Variants in PIK3R5 observed in about 807,000 individuals in gnomAD.
PIK3R5 encodes phosphoinositide 3-kinase regulatory subunit 5.
A neutral mutation model predicts 94.9 loss-of-function variants in PIK3R5; 32 were observed. The ratio of observed to expected loss-of-function variants is 0.34; its 90% CI spans 0.25 to 0.45. The LOEUF is 0.45. Ranked by LOEUF, PIK3R5 falls within the 20% of genes least tolerant of loss-of-function variation. PIK3R5 has a pLI of 1.00. For missense variants in PIK3R5, 853 were observed against 1,144.6 expected, an observed-to-expected ratio of 0.75 and a Z score of 3.68; for synonymous variants, 443 against 479.4, an observed-to-expected ratio of 0.92 and a Z score of 0.99.
rs936346383 is a variant in PIK3R5 at position 8,884,522 on chromosome 17, G to A, written c.2205+185C>T. Among the ~76,000 whole-genome samples the A allele has an allele frequency of 6.6e-6, 1 of 152,126 alleles. No individual in the cohort carries two copies. The highest frequency in any genetic ancestry group is 1.5e-5 in the Non-Finnish European group (1 of 68,004). The stretch of plus-strand genomic sequence containing the variant: ...GTGGGAGAGAGGCTTTGGAGGCCAA[G>A]AAGCACAGAGATATCCACTCCTTCC... On this transcript the variant is annotated intron_variant, in intron 15 of 18. Transcript: ENST00000447110. The surrounding 1 kb of genome is among the most constrained non-coding windows in gnomAD (Gnocchi z 5.8).
At chr17:8,954,869 G>A (rs1034790086) in intron 1 of PIK3R5, among the ~76,000 whole-genome samples, 19 of 151,286 alleles carry the variant, frequency 1.3e-4, no homozygotes, top group African/African-American at 4.1e-4. Context: ...CCCAGGAAGC[G>A]GAGGTTGCAG....
In PIK3R5 at chr17:8,890,619, T is replaced by C. The variant is rs2089998639; in HGVS notation, c.657+119A>G. The C allele has an allele frequency of 2.2e-6, 2 of 895,588 alleles. No individual in the cohort carries two copies. Among genetic ancestry groups the C allele is most frequent in the South Asian group, 1.8e-5 (1 of 56,970 alleles). The allele number at this position is 895,588 out of a possible 1,614,324, so 55.5% of individuals were successfully genotyped here. ...CAGCCCTCCAGCCACCACCCTGCCA[T>C]GTCACCTGGGTGCAGGAGACTAAGT... is the stretch of plus-strand genomic sequence containing the variant. On this transcript the variant is annotated intron_variant, in intron 7 of 18. Transcript: ENST00000447110. The surrounding 1 kb of genome is among the most constrained non-coding windows in gnomAD (Gnocchi z 6.1).
intron 11 of PIK3R5, 60 bp downstream of exon 11, chr17:8,887,461 C>A: frequency 6.5e-7 from 1 of 1,528,260 alleles, no homozygotes; most frequent in Non-Finnish European, 8.8e-7. Context: ...TTCCAATCGG[C>A]TTCCTTCAGG....
At chr17:8,941,501 A>G (rs1356430059) in intron 1 of PIK3R5, among the ~76,000 whole-genome samples, 1 of 152,234 alleles carries the variant, frequency 6.6e-6, no homozygotes, top group Non-Finnish European at 1.5e-5. Context: ...AAACAAAAAC[A>G]AAAAAGTCAA....
intron 1 of PIK3R5, among the ~76,000 whole-genome samples, chr17:8,930,352 A>C (rs1485017543): frequency 6.6e-6 from 1 of 152,232 alleles, no homozygotes; most frequent in African/African-American, 2.4e-5. Flanking sequence ...TCATGGGCCA[A>C]AGAGGAAGTC....
At chr17:8,894,067 T>A (rs1312687969) in intron 5 of PIK3R5, among the ~76,000 whole-genome samples, 1 of 152,178 alleles carries the variant, frequency 6.6e-6, no homozygotes, top group Non-Finnish European at 1.5e-5. Context: ...CTATTCCAGC[T>A]CTTCTGCGTG....
At position 8,880,382 on chromosome 17, in the gene PIK3R5, T is replaced by C. The variant is rs901207795; in HGVS notation, c.*257A>G. On this transcript the variant is annotated 3_prime_UTR_variant, in exon 19 of 19. Transcript: ENST00000447110. ...TGGTCAGGGACTTCAGAGGTCAATTTACCCATCCTTCTCCTTCTACTGCCA... is the reference window on the plus strand; with the variant it reads ...TGGTCAGGGACTTCAGAGGTCAATTCACCCATCCTTCTCCTTCTACTGCCA... The C allele has an allele frequency of 2.5e-6, 1 of 397,004 alleles. No individual in the cohort carries two copies. The highest frequency in any genetic ancestry group is 2.0e-5 in the African/African-American group (1 of 48,912). 24.6% of individuals were successfully genotyped at this position (397,004 alleles called of 1,614,324 possible).
At chr17:8,917,553 T>C (rs1361456501) in intron 1 of PIK3R5, among the ~76,000 whole-genome samples, 1 of 152,208 alleles carries the variant, frequency 6.6e-6, no homozygotes. Flanking sequence ...GTTTCTCATA[T>C]GAATGTGAGT....
chr17:8,881,789 C>T lies in PIK3R5; in HGVS notation c.2298G>A (p.Leu766=), dbSNP rs755198837. The T allele has an allele frequency of 6.2e-7, 1 of 1,613,964 alleles. No individual in the cohort carries two copies. The highest frequency in any genetic ancestry group is 8.5e-7 in the Non-Finnish European group (1 of 1,179,934). ...CCCCACACTGACCACCCCACTCACC[C>T]AGCTCCTCCTGCTTCCGGCAGGCCT... ...LNKACRKQEE[L]DSSMEALTLN... Residue 766 remains leucine (L), a splice_region_variant and synonymous_variant, in exon 16 of 19, where the codon CTG becomes CTA. Transcript: ENST00000447110. This position sits in a 1 kb window ranked among gnomAD's most constrained non-coding sequence, Gnocchi z 4.8.
chr17:8,913,647 G>A (rs1017680329), intron 1 of PIK3R5, among the ~76,000 whole-genome samples: 2 of 152,208 alleles, frequency 1.3e-5, no homozygotes, highest in African/African-American at 4.8e-5. Flanking sequence ...GGGAGGCGGA[G>A]GTTGCAGTAA....
intron 1 of PIK3R5, among the ~76,000 whole-genome samples, chr17:8,958,860 C>T (rs946468297): frequency 2.5e-4 from 38 of 151,600 alleles, no homozygotes; most frequent in Admixed American, 5.9e-4. Flanking sequence ...CGTGTTCAAT[C>T]GATTCTCTTG....
In PIK3R5 at chr17:8,905,831, C is replaced by CTT. The variant is rs578092015; in HGVS notation, c.205-96_205-95dup. On this transcript the variant is annotated intron_variant, in intron 3 of 18. Transcript: ENST00000447110. ...GTGGTTCTTCCTCATTCTAGCCTTTCTTTTTTTTTTTTTTTTAGGGGAAAA... is the reference window on the plus strand; with the variant it reads ...GTGGTTCTTCCTCATTCTAGCCTTTCTTTTTTTTTTTTTTTTTTAGGGGAAAA... 4.3e-3 allele frequency: 1,648 copies of CTT among 380,756 alleles called. 5 individuals carry two copies. The highest frequency in any genetic ancestry group is 0.016 in the East Asian group (329 of 19,944). 23.6% of individuals were successfully genotyped at this position (380,756 alleles called of 1,614,324 possible).
In PIK3R5 at chr17:8,890,036, G is replaced by T. The variant is rs769750891; in HGVS notation, c.748C>A (p.Arg250=). 1 of 1,613,852 alleles carries T rather than the reference G, an allele frequency of 6.2e-7. No homozygotes were observed. The highest frequency in any genetic ancestry group is 8.5e-7 in the Non-Finnish European group (1 of 1,180,000). ...TGCAGCTTGGTCCTGAGCCACCGCCGGGCCTCTGCAGCATCCCCGATGCCA... is the reference window on the plus strand; with the variant it reads ...TGCAGCTTGGTCCTGAGCCACCGCCTGGCCTCTGCAGCATCCCCGATGCCA... The part of the protein sequence containing the change: ...ASGIGDAAEA[R]RWLRTKLQAV... The change falls in exon 8 of 19, where the codon CGG becomes AGG. Residue 250 remains arginine (R), a synonymous_variant. Coordinates refer to ENST00000447110, the MANE Select transcript of PIK3R5 (RefSeq NM_001142633.3). The surrounding 1 kb of genome is among the most constrained non-coding windows in gnomAD (Gnocchi z 6.1).
In PIK3R5 at chr17:8,880,995, A is replaced by G. The variant is rs1347988509; in HGVS notation, c.2405T>C (p.Val802Ala). 1.2e-6 allele frequency: 2 copies of G among 1,614,030 alleles called. No individual in the cohort carries two copies. Among genetic ancestry groups the G allele is most frequent in the East Asian group, 4.5e-5 (2 of 44,858 alleles). Residue 802 changes from valine (V) to alanine (A), a missense_variant, in exon 18 of 19, where the codon GTG (valine) becomes GCG (alanine). Val to Ala is a moderately conservative substitution (Grantham distance 64). Transcript: ENST00000447110. ...FNQISTSQIK[V>A]DKVQIIGSNS... ...GGAGCCGATGATCTGCACCTTGTCC[A>G]CTTTGATCTGCGATGTGCTAATCTG... is the stretch of plus-strand genomic sequence containing the variant.
At chr17:8,905,850 G>A (rs1415883512) in intron 3 of PIK3R5, 113 bp from the exon 4 acceptor site, 4 of 507,588 alleles carry the variant, frequency 7.9e-6, no homozygotes, top group African/African-American at 2.0e-5. Flanking sequence ...TTTTTTTTAG[G>A]GGAAAATAGT....
chr17:8,958,208 G>T (rs906247372), intron 1 of PIK3R5, among the ~76,000 whole-genome samples: 1 of 151,946 alleles, frequency 6.6e-6, no homozygotes, highest in Admixed American at 6.5e-5. Context: ...GTACTCAGGG[G>T]CTGAGGCATG....
At position 8,905,704 on chromosome 17, in the gene PIK3R5, G is replaced by T; in HGVS notation, c.238C>A (p.Pro80Thr). Residue 80 changes from proline to threonine, a missense_variant, in exon 4 of 19, where the codon CCG becomes ACG. By Grantham distance (38) the Pro-to-Thr change is conservative. Coordinates refer to ENST00000447110, the MANE Select transcript of PIK3R5 (RefSeq NM_001142633.3). Reference protein sequence around the residue: ...QEKGTYDLLTPLALLFYSTVL... With the variant: ...QEKGTYDLLTTLALLFYSTVL... Reference sequence around the variant, plus strand: ...GTGGAATAGAAGAGCAGGGCCAGCGGGGTGAGCAGGTCGTAGGTGCCCTTC... The same window carrying T: ...GTGGAATAGAAGAGCAGGGCCAGCGTGGTGAGCAGGTCGTAGGTGCCCTTC... The T allele has an allele frequency of 1.9e-6, 3 of 1,607,110 alleles. No individual in the cohort carries two copies. Among genetic ancestry groups the T allele is most frequent in the East Asian group, 2.2e-5 (1 of 44,694 alleles).
At chr17:8,929,759 T>C (rs978111615) in intron 1 of PIK3R5, among the ~76,000 whole-genome samples, 1 of 151,876 alleles carries the variant, frequency 6.6e-6, no homozygotes, top group Non-Finnish European at 1.5e-5. Context: ...AGCTAGGCTA[T>C]GGGTTTGCAA....
In PIK3R5 at chr17:8,893,202, G is replaced by C. The variant is rs752263309; in HGVS notation, c.482+384C>G. Among the ~76,000 whole-genome samples, 5 of 152,102 alleles carry C rather than the reference G, an allele frequency of 3.3e-5. No individual in the cohort carries two copies. The highest frequency in any genetic ancestry group is 5.9e-5 in the Non-Finnish European group (4 of 68,020). ...GATTGTGGAAATATCATGGGCTTCT[G>C]AATAAGCCTGAGGGTTAAATTCTGG... On this transcript the variant is annotated intron_variant, in intron 6 of 18. Transcript: ENST00000447110. This position sits in a 1 kb window ranked among gnomAD's most constrained non-coding sequence, Gnocchi z 5.1.
Sources: allele counts gnomAD v4.1 joint callset (sites outside exome capture counted in the v4.1 genomes callset), GRCh38; gene constraint gnomAD v4.1.1; non-coding constraint Gnocchi (gnomAD v3.1); transcripts MANE v1.5; gene names NCBI Gene and HGNC (gene_info 2026-07-23, HGNC 2026-07-21).